KYNU: variants seen among roughly 807,000 people sequenced by gnomAD.
KYNU encodes L-kynurenine hydrolase.
Under a neutral mutation model 59.2 loss-of-function variants are expected in KYNU, and 54 were observed. That is an observed-to-expected ratio of 0.91 (90% CI 0.73 to 1.14). KYNU has a LOEUF of 1.14. Ranked by LOEUF, KYNU falls within the 50% of genes most tolerant of loss-of-function variation. The pLI, the probability that KYNU is intolerant of heterozygous loss-of-function variation, is 0.00. For synonymous variants in KYNU, 177 were observed against 192.0 expected (o/e 0.92, Z 0.65); for missense variants, 567 against 554.4 (o/e 1.02, Z -0.23).
Position 143,053,024 on chromosome 2 carries a change from T to C in KYNU, c.*10852T>C, listed in dbSNP as rs1271299575. The C allele has an allele frequency of 6.6e-6, 1 of 152,392 alleles. No homozygotes were observed. The highest frequency in any genetic ancestry group is 1.5e-5 in the Non-Finnish European group (1 of 68,174). 9.4% of individuals were successfully genotyped at this position (152,392 alleles called of 1,614,324 possible). A position where few individuals can be genotyped will look rare whatever the true frequency, so the allele number is the denominator to read the frequency against. ...TGTGGGAGACCACCTCTTGCATCAG[T>C]GTGACCTGGATGTGAGACATGGAGT... On this transcript the variant is annotated 3_prime_UTR_variant, in exon 14 of 14. Coordinates refer to ENST00000264170, the MANE Select transcript of KYNU (RefSeq NM_003937.3).
Position 143,030,710 on chromosome 2 carries a change from G to A in KYNU, c.955+1031G>A, listed in dbSNP as rs556730957. ...AGGTCTTGCTATGTTGTCCAAGCTG[G>A]CCTGAGATAATATTTTATATATATA... is the stretch of plus-strand genomic sequence containing the variant. On this transcript the variant is annotated intron_variant, in intron 11 of 13. Coordinates refer to ENST00000264170, the MANE Select transcript of KYNU (RefSeq NM_003937.3). Among the ~76,000 whole-genome samples the A allele has an allele frequency of 7.2e-5, 11 of 151,956 alleles. No homozygotes were observed. In the South Asian group the frequency reaches 1.2e-3, roughly 17 times the overall value.
intron 10 of KYNU, among the ~76,000 whole-genome samples, chr2:142,992,469 T>C (rs1685425864): frequency 6.6e-6 from 1 of 151,816 alleles, no homozygotes; most frequent in African/African-American, 2.4e-5. Context: ...AAATCATATA[T>C]TAAATTTTAA....
At chr2:142,961,337 T>C (rs1248085653) in intron 8 of KYNU, among the ~76,000 whole-genome samples, 3 of 145,032 alleles carry the variant, frequency 2.1e-5, no homozygotes, top group Admixed American at 7.1e-5. Context: ...TAGCAGCTGC[T>C]CTGTGCATTT....
At chr2:142,882,001 G>C (rs1035215496) in intron 1 of KYNU, among the ~76,000 whole-genome samples, 9 of 139,148 alleles carry the variant, frequency 6.5e-5, no homozygotes, top group Non-Finnish European at 1.5e-5. Flanking sequence ...GCAATCCCCT[G>C]CCTCGGCCTC....
chr2:142,902,808 G>C (rs1261245940), intron 2 of KYNU, among the ~76,000 whole-genome samples: 1 of 152,198 alleles, frequency 6.6e-6, no homozygotes, highest in Non-Finnish European at 1.5e-5. Flanking sequence ...CTCAAGTCTT[G>C]AGCTAATGCC....
intron 10 of KYNU, among the ~76,000 whole-genome samples, chr2:143,010,167 G>A (rs1366619774): frequency 1.5e-5 from 2 of 133,508 alleles, no homozygotes; most frequent in East Asian, 2.2e-4. Context: ...AAACCCCATT[G>A]TCTCAGCCCA....
At chr2:142,927,590 T>A in intron 3 of KYNU, 69 bp from the exon 4 acceptor site, 1 of 1,128,820 alleles carries the variant, frequency 8.9e-7, no homozygotes, top group South Asian at 1.2e-5. Context: ...TTGCTAAAGC[T>A]GATATTTGAA....
At chr2:142,947,013 A>T (rs762516659) in intron 4 of KYNU, 155 of 1,536,318 alleles carry the variant, frequency 1.0e-4, no homozygotes, top group Admixed American at 2.2e-4. Context: ...TAGTAATTTC[A>T]TGGTACCCTT....
intron 4 of KYNU, among the ~76,000 whole-genome samples, chr2:142,936,680 A>C (rs926819417): frequency 3.3e-5 from 5 of 152,196 alleles, no homozygotes; most frequent in Admixed American, 2.6e-4. Flanking sequence ...TGGACCGGAG[A>C]AACCAAGAGA....
chr2:142,903,981 C>T (rs963584172), intron 2 of KYNU, among the ~76,000 whole-genome samples: 11 of 152,310 alleles, frequency 7.2e-5, no homozygotes, highest in Middle Eastern at 6.8e-3. Flanking sequence ...TCCCGTTTAT[C>T]CTGTTCTGCC....
chr2:142,932,675 G>T (rs1683262609), intron 4 of KYNU, among the ~76,000 whole-genome samples: 1 of 150,836 alleles, frequency 6.6e-6, no homozygotes, highest in African/African-American at 2.4e-5. Context: ...CCGGCTGTCA[G>T]TGTGAGAGCT....
chr2:142,898,157 G>A (rs945151784), intron 2 of KYNU, among the ~76,000 whole-genome samples: 2 of 152,168 alleles, frequency 1.3e-5, no homozygotes, highest in Non-Finnish European at 2.9e-5. Context: ...TGGAATTACA[G>A]GCATGAGCCA....
intron 12 of KYNU, among the ~76,000 whole-genome samples, 161 bp downstream of exon 12, chr2:143,033,482 G>T (rs1264754636): frequency 6.6e-5 from 10 of 152,228 alleles, no homozygotes; most frequent in Admixed American, 6.5e-4. Context: ...CAGTGATGAT[G>T]TGGTGAGGGT....
Position 143,052,813 on chromosome 2 carries a change from G to A in KYNU, c.*10641G>A, listed in dbSNP as rs1050317974. ...TGAAGAAGGGAAAAGTATGGTGGGA[G>A]CCCCCATACAGAGTCCCTACTGAGG... On this transcript the variant is annotated 3_prime_UTR_variant, in exon 14 of 14. Transcript: ENST00000264170. The A allele has an allele frequency of 1.3e-5, 2 of 152,236 alleles. No homozygotes were observed. Among genetic ancestry groups the A allele is most frequent in the East Asian group, 3.8e-4 (2 of 5,200 alleles). 9.4% of individuals were successfully genotyped at this position (152,236 alleles called of 1,614,324 possible).
intron 12 of KYNU, among the ~76,000 whole-genome samples, chr2:143,037,665 A>G (rs1686927041): frequency 6.6e-6 from 1 of 152,222 alleles, no homozygotes; most frequent in Admixed American, 6.5e-5. Context: ...AAAAAATACA[A>G]GTAGTTGAAA....
rs780834721 is a variant in KYNU, at chr2:142,960,685, T to C, written c.644T>C (p.Ile215Thr). Residue 215 changes from isoleucine to threonine, a missense_variant, in exon 8 of 14, where the codon ATT becomes ACT. By Grantham distance (89) the Ile-to-Thr change is moderately conservative. Transcript: ENST00000264170. ...GTAATTGAGAAGGAAGGAGACTCAA[T>C]TGCAGTGATCCTGTTCAGTGGGGTG... ...LEVIEKEGDS[I>T]AVILFSGVHF... The C allele has an allele frequency of 9.3e-6, 15 of 1,613,650 alleles. No homozygotes were observed. The highest frequency in any genetic ancestry group is 8.9e-5 in the East Asian group (4 of 44,874).
At chr2:142,985,443 T>G (rs6734849) in intron 9 of KYNU, among the ~76,000 whole-genome samples, 65,898 of 151,498 alleles carry the variant, frequency 0.43, 14,776 homozygotes, top group East Asian at 0.71. Flanking sequence ...TGTAGAAAAA[T>G]CCCTACACTT....
At chr2:142,966,124 T>G (rs914076706) in intron 8 of KYNU, among the ~76,000 whole-genome samples, 4 of 152,100 alleles carry the variant, frequency 2.6e-5, no homozygotes, top group Non-Finnish European at 5.9e-5. Context: ...TCCCACAAAT[T>G]TAGATTATAA....
intron 8 of KYNU, among the ~76,000 whole-genome samples, chr2:142,972,632 T>C (rs977891411): frequency 1.3e-5 from 2 of 152,110 alleles, no homozygotes; most frequent in African/African-American, 2.4e-5. Context: ...TGAGAGAGTT[T>C]AAGCACTTCC....
Sources: gnomAD v4.1 joint callset for allele counts (sites outside exome capture counted in the v4.1 genomes callset) on GRCh38, gnomAD v4.1.1 for gene constraint, MANE v1.5 for transcripts, NCBI Gene and HGNC (gene_info 2026-07-23, HGNC 2026-07-21) for gene names.